The following FAM20C variants were observed in gnomAD, a reference collection of about 807,000 sequenced individuals.
The protein encoded by FAM20C is FAM20C golgi associated secretory pathway kinase, also known as extracellular serine/threonine protein kinase FAM20C.
A neutral mutation model predicts 51.5 loss-of-function variants in FAM20C; 40 were observed. The observed-to-expected ratio is 0.78, with a 90% CI of 0.60 to 1.01. The LOEUF (loss-of-function observed/expected upper bound fraction) is 1.01. Among genes scored for constraint, FAM20C ranks in the 50% least tolerant of loss-of-function variants. The pLI is 0.00. For missense variants in FAM20C, 861 were observed against 844.7 expected (o/e 1.02, Z -0.24); for synonymous variants, 406 against 380.6 (o/e 1.07, Z -0.78).
In FAM20C at chr7:217,070, G is replaced by T. The variant is rs149789356; in HGVS notation, c.863+8094G>T. Reference sequence around the variant, plus strand: ...ACCCAGGCACAGCTCCGGGGCCACAGCCAGATGCCTCCTCTACCGAGCGAA... The same window carrying T: ...ACCCAGGCACAGCTCCGGGGCCACATCCAGATGCCTCCTCTACCGAGCGAA... On this transcript the variant is annotated intron_variant, in intron 3 of 9. Transcript: ENST00000313766. Among the ~76,000 whole-genome samples the T allele has an allele frequency of 8.7e-4, 133 of 152,252 alleles. 1 individual carries two copies. Among genetic ancestry groups the T allele is most frequent in the African/African-American group, 3.1e-3 (129 of 41,528 alleles).
Position 260,324 on chromosome 7 carries a change from A to C in FAM20C, c.*344A>C, listed in dbSNP as rs922523947. The C allele has an allele frequency of 5.4e-6, 1 of 186,648 alleles. No homozygotes were observed. Among genetic ancestry groups the C allele is most frequent in the Non-Finnish European group, 1.1e-5 (1 of 91,234 alleles). The allele number at this position is 186,648 out of a possible 1,614,324, so 11.6% of individuals were successfully genotyped here. A position where few individuals can be genotyped will look rare whatever the true frequency, so the allele number is the denominator to read the frequency against. On this transcript the variant is annotated 3_prime_UTR_variant, in exon 10 of 10. Coordinates refer to ENST00000313766, the MANE Select transcript of FAM20C (RefSeq NM_020223.4). ...AACAGAGACGTGTACACAGATGCCA[A>C]TCACCTACCAAACCAAACACGAGGA... is the stretch of plus-strand genomic sequence containing the variant.
chr7:232,230 C>G (rs1299024105), intron 3 of FAM20C, among the ~76,000 whole-genome samples: 1 of 152,242 alleles, frequency 6.6e-6, no homozygotes, highest in African/African-American at 2.4e-5. Flanking sequence ...ACCCCACTCC[C>G]CATCCACCTG....
At chr7:216,704 AGAGT>A (rs1379288019) in intron 3 of FAM20C, among the ~76,000 whole-genome samples, 4 of 111,554 alleles carry the variant, frequency 3.6e-5, no homozygotes, top group Non-Finnish European at 7.7e-5. Flanking sequence ...TGTGTGAGAC[AGAGT>A]GTGTGTGTGT....
chr7:229,073 G>C, intron 3 of FAM20C: 1 of 352,360 alleles, frequency 2.8e-6, no homozygotes. Flanking sequence ...CCCCACGGGG[G>C]CCACTCTAGG....
At chr7:233,185 A>T (rs920781068) in intron 3 of FAM20C, among the ~76,000 whole-genome samples, 4 of 152,286 alleles carry the variant, frequency 2.6e-5, no homozygotes, top group African/African-American at 9.6e-5. Flanking sequence ...TCCCGTGAGG[A>T]CGCGTCGCCT....
At chr7:228,752 G>T in intron 3 of FAM20C, 1 of 456,252 alleles carries the variant, frequency 2.2e-6, no homozygotes, top group South Asian at 1.5e-5. Flanking sequence ...CACCAAGAGT[G>T]ACCTGACTGA....
rs533974745 is a variant in FAM20C at position 224,133 on chromosome 7, C to T, written c.863+15157C>T. Among the ~76,000 whole-genome samples the T allele has an allele frequency of 3.3e-5, 5 of 149,254 alleles. No individual in the cohort carries two copies. The East Asian group carries it at 6.0e-4, about 18-fold the overall frequency. On this transcript the variant is annotated intron_variant, in intron 3 of 9. Transcript: ENST00000313766. ...CTCACAGAGCAGAACGGCACCCTCA[C>T]GGGGGTCTCACAGCGGCTGTCCCCT... is the stretch of plus-strand genomic sequence containing the variant.
chr7:218,755 C>T (rs1018261286), intron 3 of FAM20C, among the ~76,000 whole-genome samples: 3 of 152,214 alleles, frequency 2.0e-5, no homozygotes, highest in Non-Finnish European at 2.9e-5. Flanking sequence ...GGAGCTGACA[C>T]AGGCCCAGGA....
In FAM20C at chr7:248,392, G is replaced by T; in HGVS notation, c.1034G>T (p.Arg345Leu). The change falls in exon 5 of 10, where the codon CGG (arginine) becomes CTG (leucine). Residue 345 changes from arginine to leucine, a missense_variant. Arg to Leu is a moderately radical substitution (Grantham distance 102). Around this residue, in one of 3 missense-constraint regions of FAM20C, gnomAD observed 31 missense variants for 61.1 expected, o/e 0.51. Transcript: ENST00000313766. The stretch of plus-strand genomic sequence containing the variant: ...ACCAAGGAGATCCGGGACGTCACAC[G>T]GGACAAGAAGCTCTGGAGGACCTTC... ...NMTKEIRDVT[R>L]DKKLWRTFFI... The T allele has an allele frequency of 6.5e-7, 1 of 1,537,126 alleles. No homozygotes were observed. Among genetic ancestry groups the T allele is most frequent in the Non-Finnish European group, 8.7e-7 (1 of 1,146,850 alleles).
chr7:206,117 G>A (rs1001516315), intron 2 of FAM20C, among the ~76,000 whole-genome samples: 1 of 152,122 alleles, frequency 6.6e-6, no homozygotes, highest in Non-Finnish European at 1.5e-5. Context: ...AGGCTGGCTG[G>A]GTTCCGTCTT....
At chr7:207,549 C>T (rs935964325) in intron 2 of FAM20C, among the ~76,000 whole-genome samples, 4 of 152,216 alleles carry the variant, frequency 2.6e-5, no homozygotes, top group Non-Finnish European at 4.4e-5. Context: ...CCAGGGCCCC[C>T]GCCCCGCTTC....
At chr7:203,257 T>G (rs952025656) in intron 2 of FAM20C, among the ~76,000 whole-genome samples, 6 of 152,178 alleles carry the variant, frequency 3.9e-5, no homozygotes, top group African/African-American at 1.4e-4. Flanking sequence ...TGGGAGGGCG[T>G]CTCCGTCAGT....
rs1788833473 is a variant in FAM20C at position 260,418 on chromosome 7, C to T, written c.*438C>T. ...CCTCAAGTGCTCTCACACTCGGGAC[C>T]TAATTCAAGTAAAAACCCTTTCTCC... On this transcript the variant is annotated 3_prime_UTR_variant, in exon 10 of 10. Transcript: ENST00000313766. 1 of 155,272 alleles carries T rather than the reference C, an allele frequency of 6.4e-6. No homozygotes were observed. Among genetic ancestry groups the T allele is most frequent in the African/African-American group, 2.4e-5 (1 of 41,604 alleles). The allele number at this position is 155,272 out of a possible 1,614,324, so 9.6% of individuals were successfully genotyped here.
In FAM20C at chr7:257,685, C is replaced by A. The variant is rs577694419; in HGVS notation, c.1445+599C>A. On this transcript the variant is annotated intron_variant, in intron 8 of 9. Transcript: ENST00000313766. Reference sequence around the variant, plus strand: ...AACTCGGCTGCCCAGGACCCTTCCCCAGGCCAGAGGCCAGGACCCCACATA... The same window carrying A: ...AACTCGGCTGCCCAGGACCCTTCCCAAGGCCAGAGGCCAGGACCCCACATA... Among the ~76,000 whole-genome samples the A allele has an allele frequency of 7.9e-5, 12 of 152,006 alleles. No individual in the cohort carries two copies. In the South Asian group the frequency reaches 2.1e-3, roughly 26 times the overall value.
At chr7:257,832 GGGCAGGGTGGA>G (rs1788658146) in intron 8 of FAM20C, among the ~76,000 whole-genome samples, 6 of 93,026 alleles carry the variant, frequency 6.4e-5, no homozygotes, top group African/African-American at 1.1e-4. Flanking sequence ...TGCTGGAGAT[GGGCAGGGTGGA>G]CCCACTGCCT....
At chr7:259,516 GTCTC>G (rs1348730190) in intron 9 of FAM20C, among the ~76,000 whole-genome samples, 3 of 152,098 alleles carry the variant, frequency 2.0e-5, no homozygotes, top group Admixed American at 2.0e-4. Flanking sequence ...CTGTCTGTCT[GTCTC>G]TGTCTGTCTG....
intron 3 of FAM20C, among the ~76,000 whole-genome samples, chr7:242,004 C>T (rs1451289890): frequency 6.6e-6 from 1 of 152,192 alleles, no homozygotes; most frequent in Non-Finnish European, 1.5e-5. Flanking sequence ...GGCCCAGCCC[C>T]ATGCCAACGC....
Position 253,969 on chromosome 7 carries a change from G to A in FAM20C, c.1073-1880G>A, listed in dbSNP as rs184857284. 1.8e-3 allele frequency among the ~76,000 whole-genome samples: 281 copies of A among 152,314 alleles called. 2 individuals carry two copies. Among genetic ancestry groups the A allele is most frequent in the Non-Finnish European group, 3.1e-3 (212 of 68,026 alleles). ...CTGCCTCGTCCGACTGTGGGCTGCCGACTAATCTGTATCAGCACGAGACAG... is the reference window on the plus strand; with the variant it reads ...CTGCCTCGTCCGACTGTGGGCTGCCAACTAATCTGTATCAGCACGAGACAG... On this transcript the variant is annotated intron_variant, in intron 5 of 9. Transcript: ENST00000313766.
chr7:241,188 T>A (rs1437705547), intron 3 of FAM20C, among the ~76,000 whole-genome samples: 1 of 152,084 alleles, frequency 6.6e-6, no homozygotes, highest in African/African-American at 2.4e-5. Flanking sequence ...GTCTGGCCCC[T>A]TCCCTGGGGC....
Sources: allele counts gnomAD v4.1 joint callset (sites outside exome capture counted in the v4.1 genomes callset), GRCh38; gene constraint gnomAD v4.1.1; regional missense constraint gnomAD v4.1.1; transcripts MANE v1.5; gene names NCBI Gene and HGNC (gene_info 2026-07-23, HGNC 2026-07-21).